Variants in AKT3 observed in about 807,000 individuals in gnomAD.
The protein encoded by AKT3 is AKT serine/threonine kinase 3.
In AKT3, 15 loss-of-function variants were observed where a neutral mutation model predicts 65.3. That is an observed-to-expected ratio of 0.23 (90% CI 0.15 to 0.35). AKT3 has a LOEUF of 0.35. Ranked by LOEUF, AKT3 falls within the 10% of genes least tolerant of loss-of-function variation. AKT3 has a pLI of 1.00. For synonymous variants in AKT3, 206 were observed against 183.8 expected, an observed-to-expected ratio of 1.12 and a Z score of -0.98; for missense variants, 243 against 576.5, an observed-to-expected ratio of 0.42 and a Z score of 5.92.
intron 4 of AKT3, among the ~76,000 whole-genome samples, chr1:243,656,953 T>C (rs1267581588): frequency 6.6e-6 from 1 of 152,236 alleles, no homozygotes; most frequent in East Asian, 1.9e-4. Flanking sequence ...ATATGTGCTA[T>C]GATCAAAATT....
intron 3 of AKT3, among the ~76,000 whole-genome samples, chr1:243,673,432 A>C (rs557179235): frequency 7.3e-5 from 11 of 150,680 alleles, no homozygotes; most frequent in African/African-American, 2.7e-4. Flanking sequence ...CCATTTCAGT[A>C]AATAAAGATC....
At chr1:243,791,333 A>C (rs190780014) in intron 2 of AKT3, among the ~76,000 whole-genome samples, 27 of 151,972 alleles carry the variant, frequency 1.8e-4, no homozygotes, top group African/African-American at 6.3e-4. Flanking sequence ...TGATAGAACC[A>C]CAGATGCAGA....
intron 12 of AKT3, among the ~76,000 whole-genome samples, chr1:243,535,327 T>A (rs967230515): frequency 1.3e-5 from 2 of 151,990 alleles, no homozygotes; most frequent in African/African-American, 4.8e-5. Context: ...CCAAATAGTG[T>A]ACGTTGTACC....
At chr1:243,801,927 T>G (rs1692404759) in intron 2 of AKT3, among the ~76,000 whole-genome samples, 1 of 152,208 alleles carries the variant, frequency 6.6e-6, no homozygotes, top group African/African-American at 2.4e-5. Flanking sequence ...ACTACAATTT[T>G]ATTCTTTCTG....
chr1:243,566,857 G>A (rs1674195184), intron 9 of AKT3, among the ~76,000 whole-genome samples: 1 of 152,122 alleles, frequency 6.6e-6, no homozygotes, highest in South Asian at 2.1e-4. Flanking sequence ...GTCATGATGT[G>A]GGCTCTTCTA....
intron 12 of AKT3, among the ~76,000 whole-genome samples, chr1:243,527,930 CACACACAGAGAGAG>C (rs1671262437): frequency 1.7e-4 from 7 of 40,472 alleles, no homozygotes; most frequent in African/African-American, 4.6e-4. Flanking sequence ...CACACACACA[CACACACAGAGAGAG>C]AGAGAGAGAG....
intron 6 of AKT3, among the ~76,000 whole-genome samples, chr1:243,617,092 T>C (rs1208439919): frequency 4.6e-5 from 7 of 152,272 alleles, no homozygotes; most frequent in Middle Eastern, 3.4e-3. Context: ...TTGTGTATCA[T>C]AGGAAAGAAT....
At chr1:243,776,516 A>C (rs982060867) in intron 2 of AKT3, among the ~76,000 whole-genome samples, 1 of 152,180 alleles carries the variant, frequency 6.6e-6, no homozygotes, top group African/African-American at 2.4e-5. Context: ...AAGAAGCCAG[A>C]AAGAGAGCCC....
Position 243,749,712 on chromosome 1 carries a change from T to G in AKT3, c.47-53996A>C, listed in dbSNP as rs186243707. The stretch of plus-strand genomic sequence containing the variant: ...ATGCTCAAAACATCCCATCCAAAAA[T>G]CATCTTTCTTTGGCTTGCTGTAATC... On this transcript the variant is annotated intron_variant, in intron 2 of 13. Transcript: ENST00000673466. Among the ~76,000 whole-genome samples, 11 of 152,302 alleles carry G rather than the reference T, an allele frequency of 7.2e-5. No homozygotes were observed. In the East Asian group the frequency reaches 1.9e-3, roughly 27 times the overall value.
At chr1:243,621,303 A>T (rs1678729846) in intron 6 of AKT3, among the ~76,000 whole-genome samples, 1 of 152,170 alleles carries the variant, frequency 6.6e-6, no homozygotes, top group South Asian at 2.1e-4. Context: ...GAAGCCATAA[A>T]CGTAACATTT....
intron 2 of AKT3, among the ~76,000 whole-genome samples, chr1:243,730,881 C>T (rs1481586724): frequency 6.6e-6 from 1 of 152,228 alleles, no homozygotes; most frequent in African/African-American, 2.4e-5. Flanking sequence ...AAGGAGCCGG[C>T]ACCTCTGCCA....
intron 5 of AKT3, among the ~76,000 whole-genome samples, chr1:243,639,982 T>C (rs535094145): frequency 4.6e-5 from 7 of 152,308 alleles, no homozygotes; most frequent in African/African-American, 1.4e-4. Flanking sequence ...ATATCTCTCA[T>C]GTATATTACA....
intron 2 of AKT3, among the ~76,000 whole-genome samples, chr1:243,760,505 G>A (rs571347922): frequency 6.6e-6 from 1 of 152,108 alleles, no homozygotes; most frequent in East Asian, 1.9e-4. Flanking sequence ...CATGGATTCT[G>A]TATTTGCAAA....
chr1:243,541,981 T>C (rs923438071), intron 12 of AKT3, among the ~76,000 whole-genome samples: 7 of 152,162 alleles, frequency 4.6e-5, no homozygotes, highest in African/African-American at 1.7e-4. Flanking sequence ...CTAACAAAAT[T>C]TGTGTAAGAC....
At chr1:243,728,172 A>G (rs1264497825) in intron 2 of AKT3, among the ~76,000 whole-genome samples, 2 of 152,172 alleles carry the variant, frequency 1.3e-5, no homozygotes, top group African/African-American at 4.8e-5. Context: ...ACACGCATCA[A>G]CGATTCAATA....
intron 8 of AKT3, among the ~76,000 whole-genome samples, chr1:243,602,699 T>G (rs540486935): frequency 2.0e-5 from 3 of 152,196 alleles, no homozygotes; most frequent in African/African-American, 7.2e-5. Context: ...AAAAATCAAA[T>G]ACATGTTATC....
intron 9 of AKT3, among the ~76,000 whole-genome samples, chr1:243,569,075 A>G (rs1409773186): frequency 2.0e-5 from 3 of 152,210 alleles, no homozygotes; most frequent in Non-Finnish European, 4.4e-5. Context: ...GCCCACATAC[A>G]TCAAACTCAG....
At chr1:243,714,263 G>T (rs746296850) in intron 2 of AKT3, among the ~76,000 whole-genome samples, 1 of 152,272 alleles carries the variant, frequency 6.6e-6, no homozygotes, top group Non-Finnish European at 1.5e-5. Flanking sequence ...ATTAGCAAGA[G>T]AACTGCCTAG....
intron 1 of AKT3, among the ~76,000 whole-genome samples, chr1:243,844,508 T>C (rs1695426507): frequency 6.6e-6 from 1 of 152,072 alleles, no homozygotes; most frequent in Admixed American, 6.6e-5. Flanking sequence ...AGATGGGGTT[T>C]CCCCCCATCA....
Sources: allele counts gnomAD v4.1 joint callset (sites outside exome capture counted in the v4.1 genomes callset), GRCh38; gene constraint gnomAD v4.1.1; transcripts MANE v1.5; gene names NCBI Gene and HGNC (gene_info 2026-07-23, HGNC 2026-07-21).